The following CAMK2D variants were observed in gnomAD, a reference collection of about 807,000 sequenced individuals.
CAMK2D encodes calcium/calmodulin dependent protein kinase II delta, also known as calcium/calmodulin-dependent protein kinase type II subunit delta.
Under a neutral mutation model 84.0 loss-of-function variants are expected in CAMK2D, and 37 were observed. The ratio of observed to expected loss-of-function variants is 0.44; its 90% CI spans 0.34 to 0.58. CAMK2D has a LOEUF of 0.58. Among genes scored for constraint, CAMK2D ranks in the 20% least tolerant of loss-of-function variants. CAMK2D has a pLI of 0.02. For missense variants in CAMK2D, 448 were observed against 652.5 expected (o/e 0.69, Z 3.41); for synonymous variants, 202 against 212.5 (o/e 0.95, Z 0.43).
chr4:113,735,286 CAGGA>C (rs1426379757), intron 2 of CAMK2D, among the ~76,000 whole-genome samples: 5 of 67,524 alleles, frequency 7.4e-5, no homozygotes, highest in Admixed American at 2.5e-4. Flanking sequence ...ACCATCTCTA[CAGGA>C]AAAAAAAAAA....
intron 4 of CAMK2D, among the ~76,000 whole-genome samples, chr4:113,581,534 G>GAAAAC: frequency 8.7e-6 from 1 of 115,386 alleles, no homozygotes; most frequent in Non-Finnish European, 1.8e-5. Flanking sequence ...AAAAAAAAAA[G>GAAAAC]AAAAGAAAAG....
At chr4:113,501,989 G>A (rs974710164) in intron 15 of CAMK2D, among the ~76,000 whole-genome samples, 1 of 152,046 alleles carries the variant, frequency 6.6e-6, no homozygotes, top group Admixed American at 6.5e-5. Flanking sequence ...TCAATTAAAT[G>A]TTAAACCAGA....
chr4:113,584,906 C>T (rs1163613068), intron 4 of CAMK2D, among the ~76,000 whole-genome samples: 1 of 152,038 alleles, frequency 6.6e-6, no homozygotes, highest in Admixed American at 6.6e-5. Flanking sequence ...GCCTAAAGAC[C>T]CATTAAAAAC....
intron 3 of CAMK2D, among the ~76,000 whole-genome samples, chr4:113,647,283 C>G (rs1459738491): frequency 6.6e-6 from 1 of 152,124 alleles, no homozygotes; most frequent in Admixed American, 6.5e-5. Flanking sequence ...CTCTGCTTAC[C>G]GTACAATTTC....
intron 2 of CAMK2D, among the ~76,000 whole-genome samples, chr4:113,730,912 C>T (rs960512563): frequency 6.6e-5 from 10 of 152,188 alleles, no homozygotes; most frequent in South Asian, 2.1e-4. Flanking sequence ...ACTTATACAA[C>T]GGCTATAGGA....
chr4:113,521,125 A>C (rs997545971), intron 8 of CAMK2D, among the ~76,000 whole-genome samples: 3 of 152,214 alleles, frequency 2.0e-5, no homozygotes, highest in African/African-American at 4.8e-5. Flanking sequence ...GATACAGTTC[A>C]TATAGGAAAG....
At position 113,700,091 on chromosome 4, in the gene CAMK2D, T is replaced by A. The variant is rs115510158; in HGVS notation, c.161-38319A>T. ...TGTAATATCCAACGGGCAACTAAAT[T>A]GAATTTATTTCAGAGTTACTGATTA... On this transcript the variant is annotated intron_variant, in intron 2 of 20. Transcript: ENST00000511664. Among the ~76,000 whole-genome samples the A allele has an allele frequency of 4.1e-3, 621 of 152,276 alleles. 3 individuals carry two copies. Among genetic ancestry groups the A allele is most frequent in the Middle Eastern group, 0.034 (10 of 294 alleles).
chr4:113,656,915 C>T (rs1024584021), intron 3 of CAMK2D, among the ~76,000 whole-genome samples: 1 of 152,112 alleles, frequency 6.6e-6, no homozygotes, highest in Non-Finnish European at 1.5e-5. Context: ...CTTCCTAAGC[C>T]AGCCTAAATG....
At chr4:113,658,344 G>T (rs2099211570) in intron 3 of CAMK2D, among the ~76,000 whole-genome samples, 1 of 152,040 alleles carries the variant, frequency 6.6e-6, no homozygotes, top group Non-Finnish European at 1.5e-5. Context: ...AAAAAGCTTT[G>T]GTGGAATCTA....
chr4:113,674,336 T>C (rs550292045), intron 2 of CAMK2D, among the ~76,000 whole-genome samples: 22 of 152,320 alleles, frequency 1.4e-4, no homozygotes, highest in Admixed American at 5.9e-4. Flanking sequence ...CTAGATGTCA[T>C]CGTTCATCAT....
intron 3 of CAMK2D, among the ~76,000 whole-genome samples, chr4:113,639,888 C>A (rs570906993): frequency 6.6e-6 from 1 of 152,012 alleles, no homozygotes; most frequent in African/African-American, 2.4e-5. Context: ...AGTGACAGAT[C>A]CGAGTTGCAT....
chr4:113,547,696 AG>A lies in CAMK2D; in HGVS notation c.361del (p.Leu121TrpfsTer17). The A allele has an allele frequency of 6.4e-7, 1 of 1,563,220 alleles. No individual in the cohort carries two copies. The highest frequency in any genetic ancestry group is 8.6e-7 in the Non-Finnish European group (1 of 1,161,352). On this transcript the variant is annotated frameshift_variant, in exon 6 of 21. Transcript: ENST00000511664. LOFTEE classifies it high-confidence loss of function. ...CTGATGGCAGTGTAGCACAGCCTCCAGGATCTGCTGAATGCAATGACTGCAT... is the reference window on the plus strand; with the variant it reads ...CTGATGGCAGTGTAGCACAGCCTCCAGATCTGCTGAATGCAATGACTGCAT... ...ADASHCIQQI[L>X]EAVLHCHQMG...
At chr4:113,712,236 G>C (rs1216231857) in intron 2 of CAMK2D, among the ~76,000 whole-genome samples, 1 of 152,036 alleles carries the variant, frequency 6.6e-6, no homozygotes, top group Admixed American at 6.6e-5. Context: ...GAAAAGCCCA[G>C]AATAGCCAAG....
chr4:113,478,458 T>C lies in CAMK2D; in HGVS notation c.1136-12854A>G, dbSNP rs536282859. 1.1e-4 allele frequency among the ~76,000 whole-genome samples: 17 copies of C among 152,322 alleles called. No homozygotes were observed. The East Asian group carries it at 3.3e-3, about 29-fold the overall frequency. ...ATATATTTAAATAGCCCTAAGTTCC[T>C]TCTTAGGCTTCTCTCTTCTTATAAA... On this transcript the variant is annotated intron_variant, in intron 16 of 20. Coordinates refer to ENST00000511664, the MANE Select transcript of CAMK2D (RefSeq NM_001321571.2).
At chr4:113,599,967 G>A (rs941122131) in intron 4 of CAMK2D, among the ~76,000 whole-genome samples, 1 of 152,162 alleles carries the variant, frequency 6.6e-6, no homozygotes, top group Non-Finnish European at 1.5e-5. Flanking sequence ...CCACGTATAA[G>A]TGGACCTGTG....
At chr4:113,617,196 G>A (rs938869371) in intron 3 of CAMK2D, among the ~76,000 whole-genome samples, 4 of 152,040 alleles carry the variant, frequency 2.6e-5, no homozygotes, top group African/African-American at 9.7e-5. Context: ...GGCTGGGTGC[G>A]GTGACTTACG....
chr4:113,568,734 T>G (rs904046019), intron 4 of CAMK2D, among the ~76,000 whole-genome samples: 2 of 152,204 alleles, frequency 1.3e-5, no homozygotes, highest in Admixed American at 1.3e-4. Context: ...TGGCCAACAC[T>G]TGTTACTTTC....
intron 3 of CAMK2D, among the ~76,000 whole-genome samples, chr4:113,649,335 T>C (rs2099163858): frequency 6.6e-6 from 1 of 152,250 alleles, no homozygotes; most frequent in Non-Finnish European, 1.5e-5. Context: ...TTTCTCCAGA[T>C]TAAAAATCAA....
intron 2 of CAMK2D, among the ~76,000 whole-genome samples, chr4:113,667,586 T>G (rs1181437534): frequency 3.3e-5 from 5 of 152,184 alleles, no homozygotes; most frequent in Non-Finnish European, 7.3e-5. Context: ...AGAAAGAATA[T>G]AGAATCTATC....
Sources: allele counts gnomAD v4.1 joint callset (sites outside exome capture counted in the v4.1 genomes callset), GRCh38; gene constraint gnomAD v4.1.1; transcripts MANE v1.5; gene names NCBI Gene and HGNC (gene_info 2026-07-23, HGNC 2026-07-21).